The following SFMBT2 variants were observed in gnomAD, a reference collection of about 807,000 sequenced individuals.
SFMBT2 encodes Scm like with four mbt domains 2, also known as scm-like with four MBT domains protein 2.
SFMBT2 carries 38 observed loss-of-function variants against 110.1 expected under a neutral mutation model. The ratio of observed to expected loss-of-function variants is 0.35; its 90% CI spans 0.27 to 0.45. The LOEUF is 0.45. SFMBT2 is among the 20% of genes least tolerant of loss of function. SFMBT2 has a pLI of 1.00. For synonymous variants in SFMBT2, 425 were observed against 425.4 expected (o/e 1.00, Z 0.01); for missense variants, 1,011 against 1,094.9 (o/e 0.92, Z 1.08).
At chr10:7,380,528 A>G (rs930202996) in intron 2 of SFMBT2, among the ~76,000 whole-genome samples, 2 of 152,236 alleles carry the variant, frequency 1.3e-5, no homozygotes, top group Non-Finnish European at 2.9e-5. Flanking sequence ...TCTTTGGACC[A>G]TGGTCAAGTG....
chr10:7,366,431 C>CAAAAAA (rs890894030), intron 4 of SFMBT2, among the ~76,000 whole-genome samples: 3 of 63,258 alleles, frequency 4.7e-5, no homozygotes, highest in Admixed American at 1.7e-4. Context: ...TATATCATAA[C>CAAAAAA]AAAAAAAAAA....
intron 1 of SFMBT2, among the ~76,000 whole-genome samples, chr10:7,405,463 C>T (rs116982325): frequency 0.024 from 3,638 of 152,294 alleles, 84 homozygotes; most frequent in Non-Finnish European, 0.038. Flanking sequence ...GATGAAAACA[C>T]GACCCCATGT....
At chr10:7,290,246 G>T (rs987774825) in intron 4 of SFMBT2, among the ~76,000 whole-genome samples, 1 of 142,754 alleles carries the variant, frequency 7.0e-6, no homozygotes, top group Admixed American at 7.0e-5. Context: ...CAAACTCCTA[G>T]AAAGTCATAA....
rs774066676 is a variant in SFMBT2 at position 7,301,311 on chromosome 10, C to T, written c.437-15357G>A. 6.6e-6 allele frequency among the ~76,000 whole-genome samples: 1 copy of T among 152,216 alleles called. No homozygotes were observed. The highest frequency in any genetic ancestry group is 6.5e-5 in the Admixed American group (1 of 15,286). ...CTAGCAAGACACTATGGACTAGTTG[C>T]CAGTCCCTCTACAGGGATCGTTTTG... On this transcript the variant is annotated intron_variant, in intron 4 of 20. Transcript: ENST00000397167. The surrounding 1 kb of genome is among the most constrained non-coding windows in gnomAD (Gnocchi z 4.2).
chr10:7,399,023 A>G (rs982442195), intron 1 of SFMBT2, among the ~76,000 whole-genome samples: 1 of 152,206 alleles, frequency 6.6e-6, no homozygotes, highest in African/African-American at 2.4e-5. Context: ...GATGCTTGAG[A>G]GGTGCCACAA....
At chr10:7,239,035 T>C (rs995450206) in intron 9 of SFMBT2, among the ~76,000 whole-genome samples, 38 of 152,340 alleles carry the variant, frequency 2.5e-4, no homozygotes, top group African/African-American at 7.9e-4. Context: ...TCGTATCCAC[T>C]CTAGCTCACT....
intron 16 of SFMBT2, among the ~76,000 whole-genome samples, chr10:7,178,059 A>G (rs1443125726): frequency 6.6e-6 from 1 of 152,096 alleles, no homozygotes; most frequent in African/African-American, 2.4e-5. Context: ...ATCGTTGCAA[A>G]AGCCATGTGG....
chr10:7,367,056 TTTTC>T lies in SFMBT2; in HGVS notation c.436+589_436+592del, dbSNP rs1469491695. Among the ~76,000 whole-genome samples the T allele has an allele frequency of 6.6e-4, 101 of 151,932 alleles. 1 individual carries two copies. Among genetic ancestry groups the T allele is most frequent in the African/African-American group, 1.4e-3 (57 of 41,444 alleles). The stretch of plus-strand genomic sequence containing the variant: ...AATGTCATTTCTCTCATCTGTATGG[TTTTC>T]TTTCTTTCTTTTTTTTTTTTTAATT... On this transcript the variant is annotated intron_variant, in intron 4 of 20. Transcript: ENST00000397167. This position sits in a 1 kb window ranked among gnomAD's most constrained non-coding sequence, Gnocchi z 6.2.
At chr10:7,291,956 G>A (rs945842321) in intron 4 of SFMBT2, among the ~76,000 whole-genome samples, 1 of 152,134 alleles carries the variant, frequency 6.6e-6, no homozygotes, top group African/African-American at 2.4e-5. Context: ...TCCAAGGTGA[G>A]CCTCCCCAGC....
In SFMBT2 at chr10:7,211,648, G is replaced by A. The variant is rs557546492; in HGVS notation, c.1331-5720C>T. Among the ~76,000 whole-genome samples, 615 of 152,204 alleles carry A rather than the reference G, an allele frequency of 4.0e-3. 7 individuals carry two copies. The highest frequency in any genetic ancestry group is 0.014 in the African/African-American group (585 of 41,504). On this transcript the variant is annotated intron_variant, in intron 11 of 20. Transcript: ENST00000397167. ...TAACTGTCTGGAAAATACTGTTGCT[G>A]TATTCTCATCTGCTGAAGCAGCTTC...
intron 4 of SFMBT2, among the ~76,000 whole-genome samples, chr10:7,333,536 G>A (rs892389150): frequency 3.3e-5 from 5 of 151,962 alleles, no homozygotes; most frequent in African/African-American, 4.8e-5. Context: ...GGGACCACAG[G>A]TGTGTGCCAC....
chr10:7,346,225 C>T (rs763630273), intron 4 of SFMBT2, among the ~76,000 whole-genome samples: 2 of 152,152 alleles, frequency 1.3e-5, no homozygotes, highest in Non-Finnish European at 2.9e-5. Flanking sequence ...ATTTTAATCA[C>T]CAGCCTTTTA....
At chr10:7,286,454 G>C in intron 4 of SFMBT2, 2 of 793,062 alleles carry the variant, frequency 2.5e-6, no homozygotes, top group Non-Finnish European at 3.1e-6. Flanking sequence ...AGAGAAATGG[G>C]GAGAATAAGT....
intron 9 of SFMBT2, 26 bp downstream of exon 9, chr10:7,243,532 C>T (rs776723264): frequency 1.6e-5 from 14 of 869,772 alleles, no homozygotes; most frequent in Non-Finnish European, 2.8e-5. Context: ...ATCTCCAGAC[C>T]CTGCATACCT....
At chr10:7,248,454 G>T in intron 8 of SFMBT2, 94 bp downstream of exon 8, 1 of 1,036,970 alleles carries the variant, frequency 9.6e-7, no homozygotes, top group Non-Finnish European at 1.5e-6. Flanking sequence ...TGATAGCCTT[G>T]CACGAACATA....
In SFMBT2 at chr10:7,163,123, C is replaced by CAACAAACA. The variant is rs59930811; in HGVS notation, c.*639_*646dup. 0.39 allele frequency: 61,957 copies of CAACAAACA among 160,526 alleles called. 13,713 individuals are homozygous for CAACAAACA. The highest frequency in any genetic ancestry group is 0.48 in the Non-Finnish European group (35,450 of 74,530). The allele number at this position is 160,526 out of a possible 1,614,324, so 9.9% of individuals were successfully genotyped here. ...GTCTCAAAAAACACAACAAAATGAA[C>CAACAAACA]AACAAACAAACAAACAAACAAACAA... On this transcript the variant is annotated 3_prime_UTR_variant, in exon 21 of 21. Coordinates refer to ENST00000397167, the MANE Select transcript of SFMBT2 (RefSeq NM_001387889.1). The surrounding 1 kb of genome is among the most constrained non-coding windows in gnomAD (Gnocchi z 4.8).
At chr10:7,295,926 G>A (rs576024455) in intron 4 of SFMBT2, among the ~76,000 whole-genome samples, 1 of 152,128 alleles carries the variant, frequency 6.6e-6, no homozygotes, top group Non-Finnish European at 1.5e-5. Flanking sequence ...AAGACCTAAC[G>A]CTTTCTCTGA....
At chr10:7,348,703 T>G (rs1340193516) in intron 4 of SFMBT2, among the ~76,000 whole-genome samples, 1 of 152,222 alleles carries the variant, frequency 6.6e-6, no homozygotes, top group Admixed American at 6.5e-5. Context: ...TGTAACCAGA[T>G]TTGTGTTCAT....
chr10:7,167,598 C>T (rs575418777), intron 20 of SFMBT2, among the ~76,000 whole-genome samples: 1 of 152,226 alleles, frequency 6.6e-6, no homozygotes, highest in Admixed American at 6.5e-5. Context: ...CGGTGACCTA[C>T]CGGAGGCCTC....
Sources: gnomAD v4.1 joint callset for allele counts (sites outside exome capture counted in the v4.1 genomes callset) on GRCh38, gnomAD v4.1.1 for gene constraint, Gnocchi (gnomAD v3.1) non-coding constraint, MANE v1.5 for transcripts, NCBI Gene and HGNC (gene_info 2026-07-23, HGNC 2026-07-21) for gene names.